UNC5C: variants seen among roughly 807,000 people sequenced by gnomAD.
The protein encoded by UNC5C is netrin receptor UNC5C.
A neutral mutation model predicts 99.8 loss-of-function variants in UNC5C; 47 were observed. The observed-to-expected ratio is 0.47, with a 90% CI of 0.37 to 0.60. UNC5C has a LOEUF of 0.60. Ranked by LOEUF, UNC5C falls within the 20% of genes least tolerant of loss-of-function variation. UNC5C has a pLI of 0.00. For synonymous variants in UNC5C, 487 were observed against 452.2 expected (o/e 1.08, Z -0.98); for missense variants, 1,062 against 1,165.9 (o/e 0.91, Z 1.30).
Position 95,282,175 on chromosome 4 carries a change from T to C in UNC5C, c.491-3813A>G, listed in dbSNP as rs1263176238. On this transcript the variant is annotated intron_variant, in intron 3 of 15. Coordinates refer to ENST00000453304, the MANE Select transcript of UNC5C (RefSeq NM_003728.4). ...TGACATTCAAGAGGAAAAGCTGTCA[T>C]CCAATGATATAGAGTGAACAAAGCG... 3.9e-5 allele frequency among the ~76,000 whole-genome samples: 6 copies of C among 152,088 alleles called. No individual in the cohort carries two copies. In the East Asian group the frequency reaches 5.8e-4, roughly 15 times the overall value.
chr4:95,211,359 G>T (rs962500124), intron 10 of UNC5C, among the ~76,000 whole-genome samples: 26 of 152,188 alleles, frequency 1.7e-4, no homozygotes, highest in Admixed American at 2.6e-4. Flanking sequence ...AAGCCACTCC[G>T]AAGGGCGTGC....
chr4:95,467,209 C>T (rs929439109), intron 1 of UNC5C, among the ~76,000 whole-genome samples: 1 of 152,134 alleles, frequency 6.6e-6, no homozygotes, highest in Non-Finnish European at 1.5e-5. Context: ...CCTAGATTCC[C>T]CACCCTCAGA....
At chr4:95,268,146 G>A (rs985612839) in intron 4 of UNC5C, among the ~76,000 whole-genome samples, 3 of 151,338 alleles carry the variant, frequency 2.0e-5, no homozygotes, top group African/African-American at 4.9e-5. Context: ...TAGAGACGGG[G>A]TTTCACCGTG....
chr4:95,470,697 T>G (rs889708524), intron 1 of UNC5C, among the ~76,000 whole-genome samples: 1 of 152,126 alleles, frequency 6.6e-6, no homozygotes, highest in Non-Finnish European at 1.5e-5. Context: ...CACATCAAAG[T>G]TTATACTTAA....
chr4:95,182,819 A>C (rs895725028), intron 14 of UNC5C, 78 bp downstream of exon 14: 1 of 1,485,334 alleles, frequency 6.7e-7, no homozygotes, highest in Non-Finnish European at 9.1e-7. Flanking sequence ...CTATGTTGAG[A>C]TACCCTTTTA....
At chr4:95,205,086 A>C (rs1737824822) in intron 11 of UNC5C, among the ~76,000 whole-genome samples, 1 of 152,252 alleles carries the variant, frequency 6.6e-6, no homozygotes, top group East Asian at 1.9e-4. Context: ...TGGTGCAGAA[A>C]GCTTCCTAGA....
chr4:95,512,354 G>A (rs1034221037), intron 1 of UNC5C, among the ~76,000 whole-genome samples: 3 of 152,054 alleles, frequency 2.0e-5, no homozygotes, highest in Non-Finnish European at 4.4e-5. Context: ...ACAGATCATC[G>A]GGATTTTTAC....
chr4:95,481,706 A>C (rs1044823253), intron 1 of UNC5C, among the ~76,000 whole-genome samples: 1 of 152,174 alleles, frequency 6.6e-6, no homozygotes. Context: ...ATAACGCCGC[A>C]TATCTACAGC....
intron 1 of UNC5C, among the ~76,000 whole-genome samples, chr4:95,354,479 A>ATTTT (rs1553965987): frequency 1.8e-5 from 2 of 110,350 alleles, no homozygotes; most frequent in African/African-American, 8.1e-5. Context: ...ATATATATAT[A>ATTTT]TTTTTTTTTT....
intron 2 of UNC5C, among the ~76,000 whole-genome samples, chr4:95,322,582 A>T (rs1742730296): frequency 6.6e-6 from 1 of 152,182 alleles, no homozygotes; most frequent in Non-Finnish European, 1.5e-5. Context: ...GTATACATAA[A>T]TATAACTTTA....
At chr4:95,505,957 G>T (rs1019185145) in intron 1 of UNC5C, among the ~76,000 whole-genome samples, 2 of 151,660 alleles carry the variant, frequency 1.3e-5, no homozygotes, top group Non-Finnish European at 2.9e-5. Context: ...ACTCTAAAGG[G>T]TTTTTTTTAT....
At chr4:95,378,404 A>G (rs892472796) in intron 1 of UNC5C, among the ~76,000 whole-genome samples, 1 of 152,180 alleles carries the variant, frequency 6.6e-6, no homozygotes, top group Non-Finnish European at 1.5e-5. Flanking sequence ...CGTAACTATC[A>G]TAATTTTTAT....
intron 2 of UNC5C, among the ~76,000 whole-genome samples, chr4:95,307,058 A>G (rs900812383): frequency 2.0e-5 from 3 of 152,162 alleles, no homozygotes; most frequent in South Asian, 4.1e-4. Flanking sequence ...AGGATGTCAT[A>G]CTATAAAAAC....
intron 14 of UNC5C, among the ~76,000 whole-genome samples, chr4:95,174,430 C>G (rs1430716874): frequency 6.6e-6 from 1 of 152,088 alleles, no homozygotes; most frequent in Non-Finnish European, 1.5e-5. Context: ...CCCAGAGATT[C>G]TGGTATGTTG....
chr4:95,317,364 T>A (rs1252890574), intron 2 of UNC5C, among the ~76,000 whole-genome samples: 3 of 152,196 alleles, frequency 2.0e-5, no homozygotes, highest in Non-Finnish European at 4.4e-5. Flanking sequence ...GGAAGCCAAC[T>A]GAGAGCGGCT....
At chr4:95,213,082 C>T (rs1211477651) in intron 10 of UNC5C, among the ~76,000 whole-genome samples, 1 of 152,234 alleles carries the variant, frequency 6.6e-6, no homozygotes, top group Non-Finnish European at 1.5e-5. Flanking sequence ...CACTCAGCTG[C>T]TCAGAAACTT....
intron 10 of UNC5C, among the ~76,000 whole-genome samples, chr4:95,208,892 T>C (rs1322674998): frequency 6.6e-6 from 1 of 152,238 alleles, no homozygotes; most frequent in Non-Finnish European, 1.5e-5. Flanking sequence ...AGTTAGCTTT[T>C]ATCTATGGGT....
intron 12 of UNC5C, among the ~76,000 whole-genome samples, chr4:95,201,768 T>A (rs1267891144): frequency 1.3e-5 from 2 of 151,868 alleles, no homozygotes; most frequent in African/African-American, 4.9e-5. Flanking sequence ...CATGCCCGGC[T>A]AATTTTTTTG....
intron 2 of UNC5C, among the ~76,000 whole-genome samples, chr4:95,312,832 GATTAGCATCATTT>G (rs1742323239): frequency 6.6e-6 from 1 of 152,138 alleles, no homozygotes; most frequent in Non-Finnish European, 1.5e-5. Context: ...GTTTAGTACA[GATTAGCATCATTT>G]TCCCTCAATT....
Sources: gnomAD v4.1 joint callset for allele counts (sites outside exome capture counted in the v4.1 genomes callset) on GRCh38, gnomAD v4.1.1 for gene constraint, MANE v1.5 for transcripts, NCBI Gene and HGNC (gene_info 2026-07-23, HGNC 2026-07-21) for gene names.